The following ABCC9 variants were observed in gnomAD, a reference collection of about 807,000 sequenced individuals.
ABCC9 encodes ATP binding cassette subfamily C member 9.
ABCC9 carries 95 observed loss-of-function variants against 188.3 expected under a neutral mutation model. The observed-to-expected ratio is 0.50, with a 90% CI of 0.43 to 0.60. The LOEUF is 0.60. Among genes scored for constraint, ABCC9 ranks in the 20% least tolerant of loss-of-function variants. ABCC9 has a pLI of 0.00. For missense variants in ABCC9, 1,102 were observed against 1,876.3 expected (o/e 0.59, Z 7.62); for synonymous variants, 659 against 652.7 (o/e 1.01, Z -0.15).
chr12:21,818,901 A>G (rs1942856262), intron 31 of ABCC9, among the ~76,000 whole-genome samples: 1 of 152,094 alleles, frequency 6.6e-6, no homozygotes, highest in African/African-American at 2.4e-5. Flanking sequence ...ACTTTTTGTC[A>G]ACTACCTGGC....
chr12:21,845,037 G>A (rs906999997), intron 26 of ABCC9, 122 bp from the exon 27 acceptor site: 20 of 1,286,486 alleles, frequency 1.6e-5, no homozygotes, highest in Admixed American at 4.0e-5. Flanking sequence ...GCATTTAGAC[G>A]GTTGAAGGAA....
At chr12:21,874,398 C>T (rs368720168) in intron 17 of ABCC9, among the ~76,000 whole-genome samples, 17 of 152,296 alleles carry the variant, frequency 1.1e-4, no homozygotes, top group African/African-American at 4.1e-4. Flanking sequence ...TACCCTTACA[C>T]ACTGTTGCTG....
intron 30 of ABCC9, among the ~76,000 whole-genome samples, chr12:21,835,385 T>C (rs1370978114): frequency 6.6e-6 from 1 of 152,164 alleles, no homozygotes; most frequent in Non-Finnish European, 1.5e-5. Context: ...TTGATTATGA[T>C]GCAGTGTGCT....
chr12:21,900,703 G>A (rs113093797), intron 12 of ABCC9, among the ~76,000 whole-genome samples: 10 of 152,168 alleles, frequency 6.6e-5, no homozygotes, highest in African/African-American at 2.4e-4. Flanking sequence ...TGGAGGAAAG[G>A]ATATCAGTGA....
intron 12 of ABCC9, among the ~76,000 whole-genome samples, chr12:21,900,140 T>C (rs1233268742): frequency 6.6e-6 from 1 of 152,146 alleles, no homozygotes; most frequent in Non-Finnish European, 1.5e-5. Context: ...GCAGCAACAT[T>C]TGCTGTTCAG....
chr12:21,814,082 A>G (rs1450525394), intron 35 of ABCC9, among the ~76,000 whole-genome samples: 1 of 152,144 alleles, frequency 6.6e-6, no homozygotes, highest in Non-Finnish European at 1.5e-5. Flanking sequence ...TGTGTATCAT[A>G]TTATTAATAC....
At chr12:21,894,660 A>C (rs1947316957) in intron 13 of ABCC9, among the ~76,000 whole-genome samples, 1 of 150,884 alleles carries the variant, frequency 6.6e-6, no homozygotes, top group East Asian at 2.0e-4. Context: ...CCCAGGCTAG[A>C]GTGTAGTAGC....
At position 21,818,104 on chromosome 12, in the gene ABCC9, G is replaced by A. The variant is rs747246938; in HGVS notation, c.3771+46C>T. ...AATTCCCATTTATGAGTGAGAACAT[G>A]CGGTGTTTGGTTATCTGTTCCTGTA... On this transcript the variant is annotated intron_variant, in intron 32 of 39. Coordinates refer to ENST00000261200, the MANE Select transcript of ABCC9 (RefSeq NM_020297.4). 24 of 1,301,478 alleles carry A rather than the reference G, an allele frequency of 1.8e-5. No homozygotes were observed. The East Asian group carries it at 5.2e-4, about 28-fold the overall frequency. The allele number at this position is 1,301,478 out of a possible 1,614,324, so 80.6% of individuals were successfully genotyped here.
chr12:21,937,205 C>T (rs1246114577), intron 2 of ABCC9, among the ~76,000 whole-genome samples: 1 of 152,090 alleles, frequency 6.6e-6, no homozygotes, highest in Non-Finnish European at 1.5e-5. Flanking sequence ...AGTGTGCCTG[C>T]AGTAATGGCT....
At chr12:21,900,641 G>T (rs1186052710) in intron 12 of ABCC9, among the ~76,000 whole-genome samples, 1 of 152,162 alleles carries the variant, frequency 6.6e-6, no homozygotes, top group East Asian at 1.9e-4. Context: ...GAAAACCATG[G>T]CACCAGAACT....
chr12:21,836,955 T>C (rs1944135868), intron 30 of ABCC9, among the ~76,000 whole-genome samples: 1 of 152,162 alleles, frequency 6.6e-6, no homozygotes, highest in Non-Finnish European at 1.5e-5. Flanking sequence ...AGTGCCACTT[T>C]TTGCTGGTTG....
intron 12 of ABCC9, among the ~76,000 whole-genome samples, chr12:21,903,453 T>A (rs1432227092): frequency 6.6e-6 from 1 of 152,014 alleles, no homozygotes; most frequent in Non-Finnish European, 1.5e-5. Flanking sequence ...GAGAAAGAAA[T>A]AAAGGGTATT....
rs371740366 is a variant in ABCC9 at position 21,846,840 on chromosome 12, G to A, written c.2867-1008C>T. ...TTGAAATTTAAAGTTGTCCATGGCT[G>A]CCCAGCTAAAGACAGCATTTCCTCA... On this transcript the variant is annotated intron_variant, in intron 25 of 39. Coordinates refer to ENST00000261200, the MANE Select transcript of ABCC9 (RefSeq NM_020297.4). Among the ~76,000 whole-genome samples the A allele has an allele frequency of 2.0e-5, 3 of 152,186 alleles. No homozygotes were observed. In the East Asian group the frequency reaches 5.8e-4, roughly 30 times the overall value.
intron 30 of ABCC9, among the ~76,000 whole-genome samples, chr12:21,833,960 A>C (rs1943927299): frequency 6.6e-6 from 1 of 151,760 alleles, no homozygotes; most frequent in Non-Finnish European, 1.5e-5. Context: ...GCTCTCCTAA[A>C]CTCCTTCCCA....
chr12:21,869,233 G>T (rs1357258762), intron 18 of ABCC9, among the ~76,000 whole-genome samples: 1 of 152,126 alleles, frequency 6.6e-6, no homozygotes, highest in Admixed American at 6.6e-5. Flanking sequence ...TAAATACTCA[G>T]AATTATCTCA....
chr12:21,809,664 C>T (rs554819631), intron 37 of ABCC9, among the ~76,000 whole-genome samples, 188 bp downstream of exon 37: 5 of 152,166 alleles, frequency 3.3e-5, no homozygotes, highest in African/African-American at 9.6e-5. Flanking sequence ...AATTTGTTAT[C>T]GGGTTCACCC....
chr12:21,883,723 A>G (rs1946738285), intron 15 of ABCC9, among the ~76,000 whole-genome samples: 1 of 3,876 alleles, frequency 2.6e-4, no homozygotes, highest in African/African-American at 6.3e-4. Context: ...ATAAAGATCT[A>G]GATTTTTTTT....
intron 5 of ABCC9, among the ~76,000 whole-genome samples, chr12:21,920,614 T>A (rs1161701322): frequency 6.6e-6 from 1 of 151,998 alleles, no homozygotes; most frequent in African/African-American, 2.4e-5. Flanking sequence ...ATTAAATTAT[T>A]ATTGACTGTA....
intron 34 of ABCC9, 105 bp downstream of exon 34, chr12:21,815,658 G>A: frequency 7.1e-7 from 1 of 1,404,356 alleles, no homozygotes; most frequent in Admixed American, 1.7e-5. Flanking sequence ...ATCAGGTAGG[G>A]AATATACTTA....
Sources: allele counts gnomAD v4.1 joint callset (sites outside exome capture counted in the v4.1 genomes callset), GRCh38; gene constraint gnomAD v4.1.1; transcripts MANE v1.5; gene names NCBI Gene and HGNC (gene_info 2026-07-23, HGNC 2026-07-21).